Variants in B3GALT1 observed in about 807,000 individuals in gnomAD.
The protein encoded by B3GALT1 is UDP-Gal:betaGlcNAc beta 1,3-galactosyltransferase, polypeptide 1.
Under a neutral mutation model 23.2 loss-of-function variants are expected in B3GALT1, and 10 were observed. The observed-to-expected ratio is 0.43, with a 90% confidence interval of 0.27 to 0.73. B3GALT1 has a LOEUF of 0.73. Ranked by LOEUF, B3GALT1 falls within the 30% of genes least tolerant of loss-of-function variation. B3GALT1 has a pLI of 0.21. For missense variants in B3GALT1, 299 were observed against 405.4 expected, an observed-to-expected ratio of 0.74 and a Z score of 2.25; for synonymous variants, 156 against 141.5, an observed-to-expected ratio of 1.10 and a Z score of -0.73.
chr2:167,564,287 C>T (rs1453929508), intron 2 of B3GALT1, among the ~76,000 whole-genome samples: 7 of 151,316 alleles, frequency 4.6e-5, no homozygotes, highest in Non-Finnish European at 1.0e-4. Flanking sequence ...GAGACGCTCC[C>T]CCCCTCCCAG....
intron 1 of B3GALT1, among the ~76,000 whole-genome samples, chr2:167,338,267 T>G (rs927250551): frequency 6.6e-6 from 1 of 152,190 alleles, no homozygotes; most frequent in Non-Finnish European, 1.5e-5. Flanking sequence ...TTTTTGGTCT[T>G]GCATACAAAG....
At chr2:167,837,097 G>T (rs1160088692) in intron 4 of B3GALT1, among the ~76,000 whole-genome samples, 1 of 152,122 alleles carries the variant, frequency 6.6e-6, no homozygotes, top group African/African-American at 2.4e-5. Flanking sequence ...AGACCATCGA[G>T]GCTAGGAAGA....
At chr2:167,674,494 A>G (rs1384586524) in intron 3 of B3GALT1, among the ~76,000 whole-genome samples, 1 of 152,236 alleles carries the variant, frequency 6.6e-6, no homozygotes, top group Non-Finnish European at 1.5e-5. Flanking sequence ...GTCTGGACTG[A>G]AAAACATTTT....
chr2:167,650,059 A>G (rs541372813), intron 3 of B3GALT1, among the ~76,000 whole-genome samples: 1 of 152,002 alleles, frequency 6.6e-6, no homozygotes, highest in African/African-American at 2.4e-5. Flanking sequence ...CTTTTTCATA[A>G]ATGCACTTTA....
At chr2:167,385,929 G>A (rs1174456975) in intron 1 of B3GALT1, among the ~76,000 whole-genome samples, 1 of 152,154 alleles carries the variant, frequency 6.6e-6, no homozygotes, top group Non-Finnish European at 1.5e-5. Flanking sequence ...AAGGAGAACT[G>A]TTTATAAACT....
chr2:167,457,334 A>G (rs1008494140), intron 1 of B3GALT1, among the ~76,000 whole-genome samples: 16 of 151,854 alleles, frequency 1.1e-4, no homozygotes, highest in African/African-American at 3.9e-4. Context: ...TACCATGCCC[A>G]GCTAATTTTT....
At chr2:167,850,305 A>G (rs1689854953) in intron 4 of B3GALT1, among the ~76,000 whole-genome samples, 1 of 152,210 alleles carries the variant, frequency 6.6e-6, no homozygotes, top group South Asian at 2.1e-4. Context: ...GCTCAACATC[A>G]CTAATGATCA....
At chr2:167,690,066 A>C (rs1432058950) in intron 3 of B3GALT1, among the ~76,000 whole-genome samples, 2 of 152,184 alleles carry the variant, frequency 1.3e-5, no homozygotes, top group Non-Finnish European at 2.9e-5. Flanking sequence ...ATCTGTTTGC[A>C]TATTAGAGAC....
At chr2:167,707,189 C>T (rs1435591221) in intron 3 of B3GALT1, among the ~76,000 whole-genome samples, 1 of 152,206 alleles carries the variant, frequency 6.6e-6, no homozygotes, top group African/African-American at 2.4e-5. Context: ...CCCAAAGAAG[C>T]ACCCAAGATG....
At chr2:167,545,023 C>CTTTTTTTTTTTTTTTT (rs869066627) in intron 2 of B3GALT1, among the ~76,000 whole-genome samples, 4 of 54,286 alleles carry the variant, frequency 7.4e-5, no homozygotes, top group African/African-American at 1.6e-4. Context: ...GCTTGGGTGT[C>CTTTTTTTTTTTTTTTT]TTTTTTTTTT....
chr2:167,423,630 T>G (rs1698580920), intron 1 of B3GALT1, among the ~76,000 whole-genome samples: 1 of 152,206 alleles, frequency 6.6e-6, no homozygotes, highest in African/African-American at 2.4e-5. Flanking sequence ...GTTGTCATTG[T>G]TCTTTGCAGC....
chr2:167,446,900 G>A (rs1699005961), intron 1 of B3GALT1, among the ~76,000 whole-genome samples: 1 of 152,150 alleles, frequency 6.6e-6, no homozygotes, highest in Non-Finnish European at 1.5e-5. Context: ...TTGTGTTGCT[G>A]GTGAGGAGCT....
intron 2 of B3GALT1, among the ~76,000 whole-genome samples, chr2:167,598,070 G>GA (rs1416336046): frequency 6.6e-6 from 1 of 152,214 alleles, no homozygotes; most frequent in Non-Finnish European, 1.5e-5. Flanking sequence ...TTTATTCCTG[G>GA]AATCTAGTAC....
chr2:167,426,602 T>C (rs1698627637), intron 1 of B3GALT1, among the ~76,000 whole-genome samples: 1 of 152,174 alleles, frequency 6.6e-6, no homozygotes, highest in Non-Finnish European at 1.5e-5. Context: ...CTGTTGTATG[T>C]ACCTTTTTGT....
At chr2:167,439,786 A>G (rs1215298666) in intron 1 of B3GALT1, among the ~76,000 whole-genome samples, 7 of 150,648 alleles carry the variant, frequency 4.6e-5, no homozygotes, top group Admixed American at 3.3e-4. Context: ...ATGTTTATCT[A>G]TTTCTTCTTC....
intron 1 of B3GALT1, among the ~76,000 whole-genome samples, chr2:167,334,655 T>G (rs1313693152): frequency 6.6e-6 from 1 of 152,156 alleles, no homozygotes; most frequent in African/African-American, 2.4e-5. Flanking sequence ...GTTTCTTCCT[T>G]AAGGAAAAGG....
intron 1 of B3GALT1, among the ~76,000 whole-genome samples, chr2:167,339,610 G>C (rs1356079093): frequency 6.6e-6 from 1 of 152,030 alleles, no homozygotes; most frequent in Non-Finnish European, 1.5e-5. Context: ...ATGATACATT[G>C]GTGTTTGACA....
At chr2:167,393,387 G>A (rs1698049577) in intron 1 of B3GALT1, among the ~76,000 whole-genome samples, 1 of 151,684 alleles carries the variant, frequency 6.6e-6, no homozygotes, top group Non-Finnish European at 1.5e-5. Context: ...AGAGCAGGGA[G>A]AGTGTGGATG....
In B3GALT1 at chr2:167,364,338, AG is replaced by A. The variant is rs746883403; in HGVS notation, c.-511+71005del. 1.6e-3 allele frequency among the ~76,000 whole-genome samples: 238 copies of A among 149,642 alleles called. 2 individuals carry two copies. The East Asian group carries it at 0.025, about 16-fold the overall frequency. On this transcript the variant is annotated intron_variant, in intron 1 of 4. Coordinates refer to ENST00000392690, the MANE Select transcript of B3GALT1 (RefSeq NM_020981.4). ...TCATACTGTTTTCATATATATATAT[AG>A]TTTTTTTTTTCATTTTTTTATTATA...
Sources: gnomAD v4.1 joint callset for allele counts (sites outside exome capture counted in the v4.1 genomes callset) on GRCh38, gnomAD v4.1.1 for gene constraint, MANE v1.5 for transcripts, NCBI Gene and HGNC (gene_info 2026-07-23, HGNC 2026-07-21) for gene names.